The following EIF2S1 variants were observed in gnomAD, a reference collection of about 807,000 sequenced individuals.
The protein encoded by EIF2S1 is eukaryotic translation initiation factor 2 subunit 1.
In EIF2S1, 5 loss-of-function variants were observed where a neutral mutation model predicts 33.5. That is an observed-to-expected ratio of 0.15 (90% confidence interval 0.08 to 0.31). The LOEUF (loss-of-function observed/expected upper bound fraction) is 0.31, where lower values mean the gene tolerates loss of function less well. Among genes scored for constraint, EIF2S1 ranks in the 10% least tolerant of loss-of-function variants. EIF2S1 has a pLI of 1.00. For missense variants in EIF2S1, 191 were observed against 384.6 expected (o/e 0.50, Z 4.21); for synonymous variants, 99 against 127.5 (o/e 0.78, Z 1.51).
intron 2 of EIF2S1, among the ~76,000 whole-genome samples, chr14:67,365,430 A>G (rs1433999502): frequency 1.3e-5 from 2 of 152,194 alleles, no homozygotes; most frequent in South Asian, 2.1e-4. Flanking sequence ...GATTTTAGGG[A>G]TCTTTTATAT....
chr14:67,380,920 G>T (rs906845660), intron 5 of EIF2S1, among the ~76,000 whole-genome samples, 155 bp downstream of exon 5: 11 of 152,024 alleles, frequency 7.2e-5, no homozygotes, highest in South Asian at 6.2e-4. Flanking sequence ...AATTATTTTG[G>T]CTTCTGAATC....
intron 2 of EIF2S1, among the ~76,000 whole-genome samples, chr14:67,366,160 G>A (rs2085777352): frequency 6.6e-6 from 1 of 151,222 alleles, no homozygotes; most frequent in African/African-American, 2.4e-5. Flanking sequence ...ATAGGTCGCT[G>A]CAGCCTTGAA....
chr14:67,383,740 G>A lies in EIF2S1; in HGVS notation c.*300G>A. 2.9e-6 allele frequency: 1 copy of A among 347,594 alleles called. No individual in the cohort carries two copies. Among genetic ancestry groups the A allele is most frequent in the South Asian group, 2.4e-5 (1 of 41,794 alleles). 21.5% of individuals were successfully genotyped at this position (347,594 alleles called of 1,614,324 possible). A position where few individuals can be genotyped will look rare whatever the true frequency, so the allele number is the denominator to read the frequency against. On this transcript the variant is annotated 3_prime_UTR_variant, in exon 8 of 8. Transcript: ENST00000256383. ...TTTCCATTTCTGATGTCTCCAGATT[G>A]GCACCCCTTTCTAGTTCAATGCCTC...
At chr14:67,382,284 G>C (rs1023759721) in intron 6 of EIF2S1, 163 bp from the exon 7 acceptor site, 3 of 500,264 alleles carry the variant, frequency 6.0e-6, no homozygotes, top group Non-Finnish European at 1.0e-5. Context: ...ACCCCAAAAC[G>C]TAATTGCCAA....
chr14:67,360,375 G>C lies in EIF2S1; in HGVS notation c.-83G>C. 1 of 396,538 alleles carries C rather than the reference G, an allele frequency of 2.5e-6. No homozygotes were observed. Among genetic ancestry groups the C allele is most frequent in the Non-Finnish European group, 4.4e-6 (1 of 225,158 alleles). 24.6% of individuals were successfully genotyped at this position (396,538 alleles called of 1,614,324 possible). ...CGCACGCTGAGGAGGATCGGCGGCC[G>C]GTGAGGGGGAAGCAAGTCTGGTCTC... On this transcript the variant is annotated 5_prime_UTR_variant, in exon 1 of 8. Coordinates refer to ENST00000256383, the MANE Select transcript of EIF2S1 (RefSeq NM_004094.5).
chr14:67,383,852 G>A lies in EIF2S1; in HGVS notation c.*412G>A. On this transcript the variant is annotated 3_prime_UTR_variant, in exon 8 of 8. Coordinates refer to ENST00000256383, the MANE Select transcript of EIF2S1 (RefSeq NM_004094.5). ...AAGCAAACATCAAATAAATTTCTGGGATATTTAACTATAGGCTTCTTCCTT... is the reference window on the plus strand; with the variant it reads ...AAGCAAACATCAAATAAATTTCTGGAATATTTAACTATAGGCTTCTTCCTT... The A allele has an allele frequency of 4.2e-6, 1 of 239,438 alleles. No individual in the cohort carries two copies. Among genetic ancestry groups the A allele is most frequent in the Non-Finnish European group, 8.3e-6 (1 of 119,850 alleles). 14.8% of individuals were successfully genotyped at this position (239,438 alleles called of 1,614,324 possible).
intron 6 of EIF2S1, 120 bp downstream of exon 6, chr14:67,381,810 C>T: frequency 1.6e-6 from 1 of 641,442 alleles, no homozygotes; most frequent in Non-Finnish European, 2.6e-6. Context: ...GTTTTTTACT[C>T]TTAAAATTGA....
At chr14:67,382,332 CA>C in intron 6 of EIF2S1, 114 bp from the exon 7 acceptor site, 1 of 914,512 alleles carries the variant, frequency 1.1e-6, no homozygotes, top group Non-Finnish European at 1.6e-6. Flanking sequence ...GTAGAATTGG[CA>C]ATTACGTTTT....
At chr14:67,371,343 C>G (rs1302636366) in intron 2 of EIF2S1, among the ~76,000 whole-genome samples, 1 of 151,784 alleles carries the variant, frequency 6.6e-6, no homozygotes, top group Non-Finnish European at 1.5e-5. Context: ...CGGCTTGAGC[C>G]CAGGAGTTTG....
In EIF2S1 at chr14:67,383,202, C is replaced by T. The variant is rs769870599; in HGVS notation, c.823-113C>T. On this transcript the variant is annotated intron_variant, in intron 7 of 7. Transcript: ENST00000256383. ...GTCACTCAAAAGTGAACAGATATGA[C>T]AGAGTTGTTAGAAAAGTGTTAAAGA... 4.2e-6 allele frequency: 5 copies of T among 1,183,928 alleles called. No individual in the cohort carries two copies. The African/African-American group carries it at 7.8e-5, about 18-fold the overall frequency. 73.3% of individuals were successfully genotyped at this position (1,183,928 alleles called of 1,614,324 possible).
At chr14:67,363,237 C>T (rs999061119) in intron 1 of EIF2S1, among the ~76,000 whole-genome samples, 3 of 150,092 alleles carry the variant, frequency 2.0e-5, no homozygotes, top group Non-Finnish European at 3.0e-5. Context: ...TGTTTAAAAA[C>T]GAAACAAACA....
At position 67,370,183 on chromosome 14, in the gene EIF2S1, G is replaced by T. The variant is rs535290806; in HGVS notation, c.242-4285G>T. ...CAGTTTTCTGCCCTGGGCGGGCCAG[G>T]TGTTCCTTGCCCTCATTCCTGTAAA... On this transcript the variant is annotated intron_variant, in intron 2 of 7. Transcript: ENST00000256383. Among the ~76,000 whole-genome samples, 3 of 152,360 alleles carry T rather than the reference G, an allele frequency of 2.0e-5. No homozygotes were observed. The East Asian group carries it at 5.8e-4, about 29-fold the overall frequency.
chr14:67,375,067 G>A (rs568328262), intron 3 of EIF2S1, among the ~76,000 whole-genome samples: 2 of 152,292 alleles, frequency 1.3e-5, no homozygotes, highest in South Asian at 2.1e-4. Context: ...CTCCACTAGC[G>A]TGTTAGGATT....
intron 2 of EIF2S1, among the ~76,000 whole-genome samples, chr14:67,373,094 C>T (rs1311807164): frequency 6.6e-6 from 1 of 152,160 alleles, no homozygotes; most frequent in Non-Finnish European, 1.5e-5. Flanking sequence ...CATGGGAATG[C>T]AGAGTGCCAC....
intron 4 of EIF2S1, among the ~76,000 whole-genome samples, chr14:67,378,052 G>A (rs1045426926): frequency 1.3e-5 from 2 of 151,686 alleles, no homozygotes; most frequent in African/African-American, 4.8e-5. Flanking sequence ...GTGGTTTGAG[G>A]TTTCTGTGAG....
intron 7 of EIF2S1, among the ~76,000 whole-genome samples, chr14:67,382,942 A>G (rs934079526): frequency 1.3e-5 from 2 of 151,744 alleles, no homozygotes; most frequent in Non-Finnish European, 1.5e-5. Flanking sequence ...GGTTCCTTCT[A>G]TGGAAAGGAC....
intron 3 of EIF2S1, among the ~76,000 whole-genome samples, chr14:67,376,039 G>A (rs1240214238): frequency 6.6e-6 from 1 of 152,182 alleles, no homozygotes; most frequent in African/African-American, 2.4e-5. Flanking sequence ...AGGTGGGTAA[G>A]ATGACAGAAA....
intron 4 of EIF2S1, among the ~76,000 whole-genome samples, chr14:67,378,672 T>G (rs1267952946): frequency 6.6e-6 from 1 of 152,274 alleles, no homozygotes; most frequent in Non-Finnish European, 1.5e-5. Context: ...AACTTCTAGT[T>G]CCAGCAACCC....
chr14:67,383,173 A>T, intron 7 of EIF2S1, 142 bp from the exon 8 acceptor site: 1 of 860,396 alleles, frequency 1.2e-6, no homozygotes, highest in Admixed American at 3.0e-5. Flanking sequence ...TTTATTGCTG[A>T]TAAGTCACTC....
Sources: gnomAD v4.1 joint callset for allele counts (sites outside exome capture counted in the v4.1 genomes callset) on GRCh38, gnomAD v4.1.1 for gene constraint, MANE v1.5 for transcripts, NCBI Gene and HGNC (gene_info 2026-07-23, HGNC 2026-07-21) for gene names.